The following GREM2 variants were observed in gnomAD, a reference collection of about 807,000 sequenced individuals.
GREM2 encodes gremlin-2.
GREM2 carries 11 observed loss-of-function variants against 14.2 expected under a neutral mutation model. The ratio of observed to expected loss-of-function variants is 0.78; its 90% CI spans 0.49 to 1.28. The LOEUF is 1.28. GREM2 is among the 50% of genes most tolerant of loss of function. The probability of loss-of-function intolerance (pLI) is 0.00; values close to 1 mark genes in which losing one functional copy is unlikely to be tolerated. For synonymous variants in GREM2, 98 were observed against 97.6 expected, an observed-to-expected ratio of 1.00 and a Z score of -0.02; for missense variants, 210 against 218.5, an observed-to-expected ratio of 0.96 and a Z score of 0.24.
intron 1 of GREM2, among the ~76,000 whole-genome samples, chr1:240,602,830 T>C (rs1679952767): frequency 6.9e-6 from 1 of 144,110 alleles, no homozygotes; most frequent in South Asian, 2.2e-4. Context: ...ATCCAGCACT[T>C]TGGGAGGCCG....
chr1:240,535,294 AT>A (rs373376892), intron 1 of GREM2, among the ~76,000 whole-genome samples: 1 of 152,182 alleles, frequency 6.6e-6, no homozygotes, highest in African/African-American at 2.4e-5. Context: ...TATGCAACTT[AT>A]CCATAGTTGT....
chr1:240,490,682 T>C lies in GREM2; in HGVS notation c.*2287A>G, dbSNP rs967467700. The stretch of plus-strand genomic sequence containing the variant: ...GAGCTTCACACTGCAGCATATCATA[T>C]TGCTTTCATTGCTACACCCACAATT... On this transcript the variant is annotated 3_prime_UTR_variant, in exon 2 of 2. Transcript: ENST00000318160. 1.3e-5 allele frequency: 2 copies of C among 152,400 alleles called. No homozygotes were observed. Among genetic ancestry groups the C allele is most frequent in the Non-Finnish European group, 2.9e-5 (2 of 68,044 alleles). The allele number at this position is 152,400 out of a possible 1,614,324, so 9.4% of individuals were successfully genotyped here.
intron 1 of GREM2, among the ~76,000 whole-genome samples, chr1:240,551,375 G>T (rs1348359024): frequency 3.3e-5 from 5 of 152,070 alleles, no homozygotes; most frequent in Admixed American, 3.3e-4. Context: ...TTGAGATGGA[G>T]TCTTGCTCTG....
At chr1:240,532,335 C>T (rs1040182439) in intron 1 of GREM2, among the ~76,000 whole-genome samples, 9 of 152,206 alleles carry the variant, frequency 5.9e-5, no homozygotes, top group African/African-American at 1.2e-4. Flanking sequence ...CCACCTGCCT[C>T]GGCCTCCCAA....
At chr1:240,517,046 G>A (rs1435557949) in intron 1 of GREM2, among the ~76,000 whole-genome samples, 1 of 152,130 alleles carries the variant, frequency 6.6e-6, no homozygotes, top group Non-Finnish European at 1.5e-5. Context: ...AATACAACCT[G>A]CTCATAATGT....
chr1:240,594,937 A>G (rs1198387084), intron 1 of GREM2, among the ~76,000 whole-genome samples: 1 of 152,160 alleles, frequency 6.6e-6, no homozygotes, highest in Non-Finnish European at 1.5e-5. Flanking sequence ...AGTGATAAAC[A>G]TTTGTGTGAT....
intron 1 of GREM2, among the ~76,000 whole-genome samples, chr1:240,584,513 G>A (rs1217695062): frequency 4.3e-4 from 61 of 141,428 alleles, no homozygotes; most frequent in African/African-American, 1.2e-3. Flanking sequence ...AAAAAAAAAA[G>A]AAGAATGAAA....
chr1:240,578,311 A>G (rs1159155650), intron 1 of GREM2, among the ~76,000 whole-genome samples: 1 of 151,850 alleles, frequency 6.6e-6, no homozygotes, highest in African/African-American at 2.4e-5. Context: ...TTTTTAGTAG[A>G]GATGGGGTTT....
intron 1 of GREM2, among the ~76,000 whole-genome samples, chr1:240,509,788 A>AG (rs1037804978): frequency 1.3e-5 from 2 of 152,182 alleles, no homozygotes; most frequent in Admixed American, 6.5e-5. Flanking sequence ...ATCTGTAGGC[A>AG]GGCATCTGTT....
At chr1:240,610,154 T>C (rs1006856993) in intron 1 of GREM2, among the ~76,000 whole-genome samples, 9 of 152,194 alleles carry the variant, frequency 5.9e-5, no homozygotes, top group African/African-American at 2.2e-4. Flanking sequence ...CCCAACTTAT[T>C]GCAGCTATTT....
intron 1 of GREM2, among the ~76,000 whole-genome samples, chr1:240,597,963 T>C (rs765348987): frequency 6.6e-6 from 1 of 152,198 alleles, no homozygotes; most frequent in Non-Finnish European, 1.5e-5. Context: ...CTACACTCTA[T>C]ATATTCAGAA....
At chr1:240,595,766 A>G (rs1479981837) in intron 1 of GREM2, among the ~76,000 whole-genome samples, 2 of 152,166 alleles carry the variant, frequency 1.3e-5, no homozygotes, top group African/African-American at 4.8e-5. Flanking sequence ...AAAGGATAAT[A>G]ATAATACCTG....
intron 1 of GREM2, among the ~76,000 whole-genome samples, chr1:240,506,426 G>A (rs763363729): frequency 2.6e-5 from 4 of 152,094 alleles, no homozygotes; most frequent in Admixed American, 1.3e-4. Flanking sequence ...TAAGTCTTAC[G>A]CACCCTGCCT....
intron 1 of GREM2, among the ~76,000 whole-genome samples, chr1:240,566,281 C>T (rs569206428): frequency 5.9e-5 from 9 of 152,234 alleles, no homozygotes; most frequent in African/African-American, 2.2e-4. Context: ...AAAACCAATG[C>T]CAATACCCAG....
chr1:240,609,616 T>C (rs920007608), intron 1 of GREM2, among the ~76,000 whole-genome samples: 16 of 152,180 alleles, frequency 1.1e-4, no homozygotes, highest in Admixed American at 3.3e-4. Context: ...TCCGTAGATA[T>C]TTGAAGGACC....
intron 1 of GREM2, among the ~76,000 whole-genome samples, chr1:240,608,478 G>A (rs994769221): frequency 6.6e-6 from 1 of 152,138 alleles, no homozygotes; most frequent in African/African-American, 2.4e-5. Flanking sequence ...CATAAAAGCA[G>A]AGAGAAGCAG....
At chr1:240,567,693 G>T (rs975267364) in intron 1 of GREM2, among the ~76,000 whole-genome samples, 27 of 152,112 alleles carry the variant, frequency 1.8e-4, no homozygotes, top group African/African-American at 6.3e-4. Context: ...AATGATATTA[G>T]GTAAAAATGT....
intron 1 of GREM2, among the ~76,000 whole-genome samples, chr1:240,525,797 A>T (rs1678209045): frequency 6.6e-6 from 1 of 152,136 alleles, no homozygotes; most frequent in African/African-American, 2.4e-5. Flanking sequence ...ACTATCTTAG[A>T]GTTCTGTCGG....
intron 1 of GREM2, among the ~76,000 whole-genome samples, chr1:240,533,057 A>C (rs149283948): frequency 4.9e-4 from 74 of 152,346 alleles, no homozygotes; most frequent in Non-Finnish European, 6.8e-4. Context: ...GAAACTACCC[A>C]CAAAGAACTC....
Sources: allele counts gnomAD v4.1 joint callset (sites outside exome capture counted in the v4.1 genomes callset), GRCh38; gene constraint gnomAD v4.1.1; transcripts MANE v1.5; gene names NCBI Gene and HGNC (gene_info 2026-07-23, HGNC 2026-07-21).